ASIC2: variants seen among roughly 807,000 people sequenced by gnomAD.
ASIC2 encodes the protein acid-sensing ion channel 2.
Under a neutral mutation model 57.3 loss-of-function variants are expected in ASIC2, and 25 were observed. That is an observed-to-expected ratio of 0.44 (90% CI 0.32 to 0.61). The LOEUF is 0.61. ASIC2 is among the 20% of genes least tolerant of loss of function. The pLI is 0.06. For missense variants in ASIC2, 641 were observed against 738.1 expected, an observed-to-expected ratio of 0.87 and a Z score of 1.52; for synonymous variants, 319 against 307.5, an observed-to-expected ratio of 1.04 and a Z score of -0.39.
At chr17:33,524,231 C>T (rs948580356) in intron 1 of ASIC2, among the ~76,000 whole-genome samples, 8 of 152,176 alleles carry the variant, frequency 5.3e-5, no homozygotes, top group Non-Finnish European at 1.2e-4. Context: ...GCTGATATAC[C>T]GTTGTTGGGT....
intron 1 of ASIC2, among the ~76,000 whole-genome samples, chr17:33,426,760 T>C (rs962375993): frequency 2.0e-5 from 3 of 152,216 alleles, no homozygotes; most frequent in Non-Finnish European, 4.4e-5. Flanking sequence ...CAAAAGTCCA[T>C]GATCTCTGTC....
In ASIC2 at chr17:33,616,632, C is replaced by T. The variant is rs1488923190; in HGVS notation, c.556-504565G>A. The stretch of plus-strand genomic sequence containing the variant: ...TAATAACTGGACATGCTGGATATTG[C>T]CTGTTAATACCCAGTATCATCTCGC... On this transcript the variant is annotated intron_variant, in intron 1 of 9. Coordinates refer to the ASIC2 transcript ENST00000359872. Among the ~76,000 whole-genome samples the T allele has an allele frequency of 2.0e-5, 3 of 151,798 alleles. No individual in the cohort carries two copies. In the East Asian group the frequency reaches 5.8e-4, roughly 29 times the overall value.
chr17:33,385,831 C>T (rs1909655498), intron 1 of ASIC2, among the ~76,000 whole-genome samples: 1 of 152,158 alleles, frequency 6.6e-6, no homozygotes, highest in African/African-American at 2.4e-5. Context: ...GCAGAGGAAT[C>T]CCTGTCTGGA....
At chr17:33,087,454 AC>A (rs1399139942) in intron 3 of ASIC2, among the ~76,000 whole-genome samples, 1 of 152,066 alleles carries the variant, frequency 6.6e-6, no homozygotes, top group Admixed American at 6.6e-5. Context: ...GTGAAGGTTG[AC>A]CTTGGACTTC....
chr17:33,106,769 A>T (rs1394227857), intron 2 of ASIC2, among the ~76,000 whole-genome samples: 1 of 152,066 alleles, frequency 6.6e-6, no homozygotes, highest in African/African-American at 2.4e-5. Context: ...TTTCCCCTAA[A>T]CAGGACGTCT....
intron 1 of ASIC2, chr17:34,001,401 G>C (rs1483377949): frequency 6.6e-6 from 1 of 152,534 alleles, no homozygotes; most frequent in Non-Finnish European, 1.5e-5. Context: ...GGTCCATGGG[G>C]GCAGGCCTGA....
At chr17:33,505,573 C>G (rs1319080269) in intron 1 of ASIC2, among the ~76,000 whole-genome samples, 1 of 152,220 alleles carries the variant, frequency 6.6e-6, no homozygotes, top group Non-Finnish European at 1.5e-5. Flanking sequence ...GGTTCCCCAT[C>G]ATCGGTAGCA....
intron 1 of ASIC2, among the ~76,000 whole-genome samples, chr17:33,579,204 T>C (rs1462177957): frequency 6.7e-6 from 1 of 149,570 alleles, no homozygotes. Context: ...GAGAATCGCT[T>C]GAACCCGGGA....
chr17:33,556,039 A>G (rs947195643), intron 1 of ASIC2, among the ~76,000 whole-genome samples: 2 of 152,236 alleles, frequency 1.3e-5, no homozygotes, highest in Non-Finnish European at 2.9e-5. Flanking sequence ...TATCTTAAAG[A>G]TGACAGCCGC....
At chr17:33,990,330 A>G (rs1240402323) in intron 1 of ASIC2, among the ~76,000 whole-genome samples, 1 of 152,222 alleles carries the variant, frequency 6.6e-6, no homozygotes, top group Admixed American at 6.5e-5. Context: ...ATTGTCTGGC[A>G]ACAGATAGAT....
At position 33,733,143 on chromosome 17, in the gene ASIC2, G is replaced by A. The variant is rs564888463; in HGVS notation, c.555+422835C>T. ...AAAAGATAGATAGAATATAATTATT[G>A]GCCCTAACCCTGTCCCCTCACTTCT... On this transcript the variant is annotated intron_variant, in intron 1 of 9. Transcript: ENST00000359872. 2.8e-4 allele frequency among the ~76,000 whole-genome samples: 43 copies of A among 152,158 alleles called. No homozygotes were observed. In the Middle Eastern group the frequency reaches 0.01, roughly 36 times the overall value.
intron 1 of ASIC2, among the ~76,000 whole-genome samples, chr17:33,592,416 G>A (rs1476368912): frequency 6.6e-6 from 1 of 152,222 alleles, no homozygotes; most frequent in Non-Finnish European, 1.5e-5. Context: ...ATGTAACTTT[G>A]GAGATGGCTG....
intron 1 of ASIC2, among the ~76,000 whole-genome samples, chr17:33,871,513 G>T (rs1487211313): frequency 6.6e-6 from 1 of 152,126 alleles, no homozygotes; most frequent in Non-Finnish European, 1.5e-5. Context: ...GGCGGGCAGG[G>T]AGCGGCTAGG....
chr17:33,758,104 G>A (rs893268919), intron 1 of ASIC2, among the ~76,000 whole-genome samples: 6 of 152,176 alleles, frequency 3.9e-5, no homozygotes, highest in African/African-American at 9.7e-5. Flanking sequence ...TCACAAAACC[G>A]CAAACACTGT....
intron 1 of ASIC2, among the ~76,000 whole-genome samples, chr17:33,434,817 T>C (rs972605799): frequency 2.6e-5 from 4 of 152,210 alleles, no homozygotes; most frequent in Admixed American, 1.3e-4. Context: ...GAGTAAGGTA[T>C]GCAATGGCTA....
chr17:33,736,922 C>CTT (rs34725875), intron 1 of ASIC2, among the ~76,000 whole-genome samples: 3 of 152,266 alleles, frequency 2.0e-5, no homozygotes, highest in African/African-American at 4.8e-5. Flanking sequence ...AATGTGGTCT[C>CTT]TTTTTTTAAC....
In ASIC2 at chr17:34,043,045, T is replaced by C. The variant is rs115185339; in HGVS notation, c.555+112933A>G. ...AATAAGTTAGACACAAAAGAATACA[T>C]AGTGCATGATTTTACATGCAGAAGG... is the stretch of plus-strand genomic sequence containing the variant. On this transcript the variant is annotated intron_variant, in intron 1 of 9. Coordinates refer to the ASIC2 transcript ENST00000359872. Among the ~76,000 whole-genome samples the C allele has an allele frequency of 3.3e-3, 504 of 152,228 alleles. 2 individuals are homozygous for C. The highest frequency in any genetic ancestry group is 0.011 in the African/African-American group (475 of 41,534).
intron 1 of ASIC2, among the ~76,000 whole-genome samples, chr17:33,625,129 G>GTCTATCTA (rs199907150): frequency 0.015 from 2,166 of 146,428 alleles, 23 homozygotes; most frequent in African/African-American, 0.023. Context: ...TGGCCTCTCT[G>GTCTATCTA]TCTATCTATC....
intron 1 of ASIC2, among the ~76,000 whole-genome samples, chr17:33,963,558 G>A (rs764364971): frequency 1.3e-5 from 2 of 152,072 alleles, no homozygotes; most frequent in African/African-American, 2.4e-5. Flanking sequence ...AAAGCAGGCT[G>A]GCTCCTGCCA....
Sources: gnomAD v4.1 joint callset for allele counts (sites outside exome capture counted in the v4.1 genomes callset) on GRCh38, gnomAD v4.1.1 for gene constraint, MANE v1.5 for transcripts, NCBI Gene and HGNC (gene_info 2026-07-23, HGNC 2026-07-21) for gene names.